CLPTM1: variants seen among roughly 807,000 people sequenced by gnomAD.
CLPTM1 encodes the protein putative lipid scramblase CLPTM1.
Under a neutral mutation model 77.3 loss-of-function variants are expected in CLPTM1, and 21 were observed. That is an observed-to-expected ratio of 0.27 (90% CI 0.19 to 0.39). The LOEUF (loss-of-function observed/expected upper bound fraction) is 0.39. CLPTM1 is among the 10% of genes least tolerant of loss of function. CLPTM1 has a pLI of 1.00. For synonymous variants in CLPTM1, 373 were observed against 381.0 expected (o/e 0.98, Z 0.24); for missense variants, 642 against 921.2 (o/e 0.70, Z 3.92).
intron 9 of CLPTM1, 67 bp downstream of exon 9, chr19:44,988,240 TCCTCCCCTC>T (rs1409407296): frequency 5.3e-6 from 6 of 1,138,210 alleles, no homozygotes; most frequent in Non-Finnish European, 6.7e-6. Flanking sequence ...GCCCCCTTCC[TCCTCCCCTC>T]CCTCCCCACA....
Position 44,992,249 on chromosome 19 carries a change from G to T in CLPTM1, c.1572G>T (p.Thr524=). ...FLLTFGFITM[T]PQLFINYKLK... is the part of the protein sequence containing the mutation. ...TCACTGCAGGCTTCATCACCATGAC[G>T]CCCCAGCTCTTCATCAACTACAAGC... The change falls in exon 13 of 14, where the codon ACG becomes ACT. Residue 524 remains threonine (T), a synonymous_variant. Transcript: ENST00000337392. The surrounding 1 kb of genome is among the most constrained non-coding windows in gnomAD (Gnocchi z 7.7). 1 of 1,613,950 alleles carries T rather than the reference G, an allele frequency of 6.2e-7. No homozygotes were observed. The highest frequency in any genetic ancestry group is 8.5e-7 in the Non-Finnish European group (1 of 1,179,942).
chr19:44,966,322 G>A (rs4803782), intron 2 of CLPTM1, among the ~76,000 whole-genome samples: 150,778 of 152,262 alleles, frequency 0.99, 74,663 homozygotes, highest in East Asian at 1. Context: ...GAGGCAGGAG[G>A]ATGGCGTGAA....
intron 5 of CLPTM1, among the ~76,000 whole-genome samples, chr19:44,983,401 A>G (rs931792691): frequency 6.6e-6 from 1 of 151,610 alleles, no homozygotes; most frequent in African/African-American, 2.4e-5. Context: ...TGGGCAGATC[A>G]CGAGGCCAGG....
At chr19:44,958,136 C>G (rs923160874) in intron 1 of CLPTM1, among the ~76,000 whole-genome samples, 1 of 152,070 alleles carries the variant, frequency 6.6e-6, no homozygotes, top group African/African-American at 2.4e-5. Flanking sequence ...GACGCTTGAA[C>G]AAAGACCTGA....
At chr19:44,986,801 C>G in intron 7 of CLPTM1, 1 of 570,422 alleles carries the variant, frequency 1.8e-6, no homozygotes. Flanking sequence ...GGTCCGCAAT[C>G]AAGTGCCATC....
intron 1 of CLPTM1, among the ~76,000 whole-genome samples, chr19:44,959,527 G>C (rs1159738175): frequency 6.7e-6 from 1 of 148,814 alleles, no homozygotes; most frequent in Non-Finnish European, 1.5e-5. Context: ...GCTAATTTTT[G>C]TATTTTTATA....
rs1971066279 is a variant in CLPTM1 at position 44,991,030 on chromosome 19, C to T, written c.1419+85C>T. The T allele has an allele frequency of 1.5e-6, 2 of 1,338,460 alleles. No homozygotes were observed. The highest frequency in any genetic ancestry group is 1.8e-5 in the Admixed American group (1 of 54,242). The allele number at this position is 1,338,460 out of a possible 1,614,324, so 82.9% of individuals were successfully genotyped here. On this transcript the variant is annotated intron_variant, in intron 11 of 13. Coordinates refer to ENST00000337392, the MANE Select transcript of CLPTM1 (RefSeq NM_001294.4). This position sits in a 1 kb window ranked among gnomAD's most constrained non-coding sequence, Gnocchi z 5.4. ...GCACCCGGGGCCGGCCATCTGTCTG[C>T]CGGACCCATGCTTTACAGCCTGTGC...
Position 44,955,460 on chromosome 19 carries a change from C to T in CLPTM1, c.65C>T (p.Ser22Phe). The T allele has an allele frequency of 7.5e-7, 1 of 1,329,998 alleles. No individual in the cohort carries two copies. The allele number at this position is 1,329,998 out of a possible 1,614,324, so 82.4% of individuals were successfully genotyped here. A position where few individuals can be genotyped will look rare whatever the true frequency, so the allele number is the denominator to read the frequency against. The change falls in exon 1 of 14, where the codon TCC (serine) becomes TTC (phenylalanine). Residue 22 changes from serine (S) to phenylalanine (F), a missense_variant. Physicochemically the swap from Ser to Phe is radical, Grantham distance 155. Around this residue, in one of 2 missense-constraint regions of CLPTM1, gnomAD observed 121 missense variants for 120.8 expected, o/e 1.00. Transcript: ENST00000337392. ...GTGGTGGCGGCCGGGGGAGGCAGCT[C>T]CGGTCAGGTACGGAGGCCGAGAGGG... ...SAVVAAGGGS[S>F]GQVTSNGSIG...
At chr19:44,987,451 TC>T in intron 8 of CLPTM1, 28 bp downstream of exon 8, 1 of 1,608,694 alleles carries the variant, frequency 6.2e-7, no homozygotes, top group Non-Finnish European at 8.5e-7. Context: ...GGGCGGGACT[TC>T]CCGGTGCCTT....
Position 44,992,060 on chromosome 19 carries a change from T to C in CLPTM1, c.1556-173T>C, listed in dbSNP as rs142644451. On this transcript the variant is annotated intron_variant, in intron 12 of 13. Coordinates refer to ENST00000337392, the MANE Select transcript of CLPTM1 (RefSeq NM_001294.4). This position sits in a 1 kb window ranked among gnomAD's most constrained non-coding sequence, Gnocchi z 7.7. ...ATCCAGGGAGAGAGCTGTGCGGATGTGACAGAAGGCCCCACCAGTGCAGAG... is the reference window on the plus strand; with the variant it reads ...ATCCAGGGAGAGAGCTGTGCGGATGCGACAGAAGGCCCCACCAGTGCAGAG... Among the ~76,000 whole-genome samples, 239 of 152,070 alleles carry C rather than the reference T, an allele frequency of 1.6e-3. No homozygotes were observed. Among genetic ancestry groups the C allele is most frequent in the African/African-American group, 5.6e-3 (232 of 41,422 alleles).
chr19:44,974,131 C>T (rs1435179850), intron 3 of CLPTM1, among the ~76,000 whole-genome samples: 1 of 151,948 alleles, frequency 6.6e-6, no homozygotes, highest in African/African-American at 2.4e-5. Context: ...CCAGGAAGGC[C>T]CAGCAGCCAT....
chr19:44,962,198 C>T (rs1363241527), intron 2 of CLPTM1, 123 bp downstream of exon 2: 103 of 371,336 alleles, frequency 2.8e-4, no homozygotes, highest in South Asian at 1.3e-4. Flanking sequence ...TGCTTTTTTT[C>T]TTTTTTTTTT....
In CLPTM1 at chr19:44,974,517, G is replaced by A. The variant is rs779689343; in HGVS notation, c.388G>A (p.Asp130Asn). The change falls in exon 4 of 14, where the codon GAT (aspartate) becomes AAT (asparagine). Residue 130 changes from aspartate (D) to asparagine (N), a missense_variant. Around this residue, in one of 2 missense-constraint regions of CLPTM1, gnomAD observed 521 missense variants for 800.4 expected, o/e 0.65. Coordinates refer to ENST00000337392, the MANE Select transcript of CLPTM1 (RefSeq NM_001294.4). ...GTCGGCACTCTTCTGGGAACAGCAC[G>A]ATCTTGTGTATGGCGACTGGACTAG... ...ATSALFWEQH[D>N]LVYGDWTSGE... 133 of 1,614,032 alleles carry A rather than the reference G, an allele frequency of 8.2e-5. No homozygotes were observed. Among genetic ancestry groups the A allele is most frequent in the Non-Finnish European group, 1.0e-4 (123 of 1,180,028 alleles).
At chr19:44,973,400 C>G (rs2293755) in intron 3 of CLPTM1, among the ~76,000 whole-genome samples, 190 bp downstream of exon 3, 15,601 of 152,214 alleles carry the variant, frequency 0.1, 1,268 homozygotes, top group African/African-American at 0.22. Context: ...GGGTCCATCC[C>G]CAGCACATAA....
chr19:44,990,758 A>C lies in CLPTM1; in HGVS notation c.1324-92A>C, dbSNP rs11671173. 6.7e-4 allele frequency: 875 copies of C among 1,313,684 alleles called. 5 individuals carry two copies. Among genetic ancestry groups the C allele is most frequent in the Middle Eastern group, 4.5e-3 (23 of 5,078 alleles). 81.4% of individuals were successfully genotyped at this position (1,313,684 alleles called of 1,614,324 possible). ...TTTGGGTCACACATGGGGCAGGGGAACTGGGAACGGTGGGGAAGGGCAGGG... is the reference window on the plus strand; with the variant it reads ...TTTGGGTCACACATGGGGCAGGGGACCTGGGAACGGTGGGGAAGGGCAGGG... On this transcript the variant is annotated intron_variant, in intron 10 of 13. Coordinates refer to ENST00000337392, the MANE Select transcript of CLPTM1 (RefSeq NM_001294.4). The surrounding 1 kb of genome is among the most constrained non-coding windows in gnomAD (Gnocchi z 4.8).
rs528506339 is a variant in CLPTM1 at position 44,957,623 on chromosome 19, TTGTG to T, written c.72+2163_72+2166del. The stretch of plus-strand genomic sequence containing the variant: ...ACCCTTTAGCAGATGTTGCTGGGGA[TTGTG>T]TGTGTGCGTGGACGTGCAGATCCGA... On this transcript the variant is annotated intron_variant, in intron 1 of 13. Transcript: ENST00000337392. 5.9e-5 allele frequency among the ~76,000 whole-genome samples: 9 copies of T among 152,348 alleles called. No homozygotes were observed. The East Asian group carries it at 1.7e-3, about 29-fold the overall frequency.
intron 2 of CLPTM1, among the ~76,000 whole-genome samples, chr19:44,972,164 A>G (rs897129304): frequency 1.3e-5 from 2 of 151,202 alleles, no homozygotes; most frequent in Non-Finnish European, 2.9e-5. Context: ...CCTGGCCTCT[A>G]TACTTCTTAA....
At chr19:44,977,053 T>A (rs1483732951) in intron 4 of CLPTM1, among the ~76,000 whole-genome samples, 1 of 152,026 alleles carries the variant, frequency 6.6e-6, no homozygotes, top group East Asian at 1.9e-4. Flanking sequence ...GTCCCTGCAG[T>A]GGTGCCCTCG....
intron 1 of CLPTM1, among the ~76,000 whole-genome samples, chr19:44,957,183 C>T (rs926329643): frequency 2.0e-5 from 3 of 152,208 alleles, no homozygotes; most frequent in Non-Finnish European, 2.9e-5. Flanking sequence ...CTTTTATTGC[C>T]TCTCAGTCTC....
Sources: allele counts gnomAD v4.1 joint callset (sites outside exome capture counted in the v4.1 genomes callset), GRCh38; gene constraint gnomAD v4.1.1; regional missense constraint gnomAD v4.1.1; non-coding constraint Gnocchi (gnomAD v3.1); transcripts MANE v1.5; gene names NCBI Gene and HGNC (gene_info 2026-07-23, HGNC 2026-07-21).